Variants in SCAMP1 observed in about 807,000 individuals in gnomAD.
The protein encoded by SCAMP1 is secretory carrier-associated membrane protein 1.
SCAMP1 carries 15 observed loss-of-function variants against 41.8 expected under a neutral mutation model. The observed-to-expected ratio is 0.36, with a 90% confidence interval of 0.24 to 0.55. The LOEUF is 0.55. Ranked by LOEUF, SCAMP1 falls within the 20% of genes least tolerant of loss-of-function variation. SCAMP1 has a pLI of 0.86. For missense variants in SCAMP1, 341 were observed against 412.6 expected (o/e 0.83, Z 1.50); for synonymous variants, 135 against 136.8 (o/e 0.99, Z 0.09).
chr5:78,416,486 T>G, intron 3 of SCAMP1, 55 bp from the exon 4 acceptor site: 1 of 1,309,426 alleles, frequency 7.6e-7, no homozygotes, highest in Non-Finnish European at 1.1e-6. Context: ...CATATAAATG[T>G]TAAAGTATTT....
At chr5:78,429,941 AC>A (rs56861736) in intron 6 of SCAMP1, among the ~76,000 whole-genome samples, 5,362 of 151,820 alleles carry the variant, frequency 0.035, 342 homozygotes, top group African/African-American at 0.12. Flanking sequence ...TCCCCAACAC[AC>A]ATGCATCTTT....
intron 1 of SCAMP1, among the ~76,000 whole-genome samples, chr5:78,385,760 G>A (rs759797556): frequency 1.3e-5 from 2 of 152,090 alleles, no homozygotes; most frequent in Non-Finnish European, 2.9e-5. Context: ...GGTTTTAAGG[G>A]TTCCTTTTGG....
chr5:78,363,597 A>G (rs1301824464), intron 1 of SCAMP1, among the ~76,000 whole-genome samples: 1 of 152,188 alleles, frequency 6.6e-6, no homozygotes, highest in Non-Finnish European at 1.5e-5. Flanking sequence ...TAACTATGCT[A>G]ATTTCTTTTT....
At chr5:78,391,971 C>T (rs1023899535) in intron 2 of SCAMP1, among the ~76,000 whole-genome samples, 11 of 151,438 alleles carry the variant, frequency 7.3e-5, no homozygotes, top group East Asian at 2.0e-4. Flanking sequence ...AGTCCAGCTT[C>T]GGCTTGGCAT....
At chr5:78,427,799 C>T (rs944290950) in intron 6 of SCAMP1, among the ~76,000 whole-genome samples, 3 of 151,968 alleles carry the variant, frequency 2.0e-5, no homozygotes, top group Admixed American at 2.0e-4. Context: ...AGTTTGAGCA[C>T]CTTTTTATTT....
intron 3 of SCAMP1, among the ~76,000 whole-genome samples, chr5:78,415,832 T>C (rs779797947): frequency 3.3e-5 from 5 of 152,232 alleles, no homozygotes; most frequent in Non-Finnish European, 5.9e-5. Context: ...TTAGGAATTA[T>C]TGAATTTATG....
chr5:78,440,993 T>C (rs1182975659), intron 6 of SCAMP1, among the ~76,000 whole-genome samples: 1 of 152,214 alleles, frequency 6.6e-6, no homozygotes, highest in African/African-American at 2.4e-5. Context: ...TCTGTGGGCG[T>C]GGGACCCTCC....
At chr5:78,459,412 T>C in intron 8 of SCAMP1, 50 bp downstream of exon 8, 1 of 906,248 alleles carries the variant, frequency 1.1e-6, no homozygotes, top group Non-Finnish European at 1.8e-6. Flanking sequence ...GATGTAAAGT[T>C]CTCATTTTCC....
rs1401426060 is a variant in SCAMP1 at position 78,476,803 on chromosome 5, A to AT, written c.*1136dup. ...CTGAATATATCTAAAATTTCCAGCAATAAAAAAAAAAGCATTTAACTTGCA... is the reference window on the plus strand; with the variant it reads ...CTGAATATATCTAAAATTTCCAGCAATTAAAAAAAAAAGCATTTAACTTGCA... On this transcript the variant is annotated 3_prime_UTR_variant, in exon 9 of 9. Transcript: ENST00000621999. 2 of 152,496 alleles carry AT rather than the reference A, an allele frequency of 1.3e-5. No homozygotes were observed. Among genetic ancestry groups the AT allele is most frequent in the East Asian group, 1.9e-4 (1 of 5,206 alleles). The allele number at this position is 152,496 out of a possible 1,614,324, so 9.4% of individuals were successfully genotyped here. A position where few individuals can be genotyped will look rare whatever the true frequency, so the allele number is the denominator to read the frequency against.
At chr5:78,410,958 G>C (rs1255246748) in intron 2 of SCAMP1, among the ~76,000 whole-genome samples, 1 of 152,020 alleles carries the variant, frequency 6.6e-6, no homozygotes, top group African/African-American at 2.4e-5. Context: ...ACAAGTGTCT[G>C]TTCATGTCCT....
intron 6 of SCAMP1, among the ~76,000 whole-genome samples, chr5:78,442,478 C>T (rs371744546): frequency 3.3e-5 from 5 of 152,060 alleles, no homozygotes; most frequent in East Asian, 1.9e-4. Context: ...AGGCTGGTCT[C>T]GAACTCCTGA....
intron 7 of SCAMP1, among the ~76,000 whole-genome samples, chr5:78,456,350 T>C (rs957238084): frequency 2.0e-5 from 3 of 152,200 alleles, no homozygotes; most frequent in Non-Finnish European, 4.4e-5. Flanking sequence ...GTTTAGCGTT[T>C]CCTTCAGGAA....
intron 1 of SCAMP1, among the ~76,000 whole-genome samples, chr5:78,366,543 C>T (rs1383949396): frequency 1.3e-5 from 2 of 152,130 alleles, no homozygotes; most frequent in Admixed American, 6.5e-5. Context: ...GATACCATCA[C>T]GTTGGTGATA....
intron 2 of SCAMP1, among the ~76,000 whole-genome samples, chr5:78,402,333 A>G (rs911711784): frequency 1.3e-5 from 2 of 152,000 alleles, no homozygotes; most frequent in Admixed American, 6.6e-5. Flanking sequence ...ATTATATCCA[A>G]TCAACGGATG....
At position 78,438,186 on chromosome 5, in the gene SCAMP1, T is replaced by C. The variant is rs1477987550; in HGVS notation, c.633-11747T>C. On this transcript the variant is annotated intron_variant, in intron 6 of 8. Coordinates refer to ENST00000621999, the MANE Select transcript of SCAMP1 (RefSeq NM_004866.6). ...CCAGCTCCTGGATTCATTGATTTTT[T>C]GAAGGGTTTTTTATGTCTCTATCTC... 2.0e-5 allele frequency among the ~76,000 whole-genome samples: 3 copies of C among 152,220 alleles called. No homozygotes were observed. The East Asian group carries it at 5.8e-4, about 29-fold the overall frequency.
chr5:78,440,215 A>G (rs546890588), intron 6 of SCAMP1, among the ~76,000 whole-genome samples: 1 of 152,248 alleles, frequency 6.6e-6, no homozygotes, highest in South Asian at 2.1e-4. Context: ...TCAACTCGTC[A>G]AAGTCATTCT....
chr5:78,460,815 TCCTTCCTTTCTTG>T (rs1753585053), intron 8 of SCAMP1, among the ~76,000 whole-genome samples: 1 of 49,320 alleles, frequency 2.0e-5, no homozygotes, highest in African/African-American at 6.0e-5. Context: ...CTCCCTTCCT[TCCTTCCTTTCTTG>T]TCTTTCCTCT....
At chr5:78,430,029 A>G (rs896757973) in intron 6 of SCAMP1, among the ~76,000 whole-genome samples, 2 of 150,104 alleles carry the variant, frequency 1.3e-5, no homozygotes, top group African/African-American at 4.9e-5. Flanking sequence ...ATTTATTACT[A>G]TGTAAATAGT....
At chr5:78,464,909 A>G (rs1336071960) in intron 8 of SCAMP1, among the ~76,000 whole-genome samples, 1 of 152,170 alleles carries the variant, frequency 6.6e-6, no homozygotes, top group Non-Finnish European at 1.5e-5. Flanking sequence ...CATGATTCAC[A>G]CTTTCTATTC....
Sources: gnomAD v4.1 joint callset for allele counts (sites outside exome capture counted in the v4.1 genomes callset) on GRCh38, gnomAD v4.1.1 for gene constraint, MANE v1.5 for transcripts, NCBI Gene and HGNC (gene_info 2026-07-23, HGNC 2026-07-21) for gene names.